The following UTRN variants were observed in gnomAD, a reference collection of about 807,000 sequenced individuals.
The protein encoded by UTRN is dystrophin-related protein 1.
In UTRN, 283 loss-of-function variants were observed where a neutral mutation model predicts 463.9. That is an observed-to-expected ratio of 0.61 (90% CI 0.55 to 0.67). The LOEUF (loss-of-function observed/expected upper bound fraction) is 0.67, where lower values mean the gene tolerates loss of function less well. Among genes scored for constraint, UTRN ranks in the 30% least tolerant of loss-of-function variants. The probability of loss-of-function intolerance (pLI) is 0.00; values close to 1 mark genes in which losing one functional copy is unlikely to be tolerated. For synonymous variants in UTRN, 1,442 were observed against 1,431.5 expected (o/e 1.01, Z -0.17); for missense variants, 3,922 against 4,084.3 (o/e 0.96, Z 1.08).
intron 34 of UTRN, among the ~76,000 whole-genome samples, chr6:144,502,940 A>G (rs889340407): frequency 2.6e-5 from 4 of 152,196 alleles, no homozygotes; most frequent in Non-Finnish European, 5.9e-5. Context: ...AATAATCGCT[A>G]TTCTACCTGG....
At chr6:144,351,058 A>AT (rs1053469705) in intron 2 of UTRN, among the ~76,000 whole-genome samples, 4 of 152,114 alleles carry the variant, frequency 2.6e-5, no homozygotes, top group Admixed American at 6.5e-5. Flanking sequence ...GAAAAAAACC[A>AT]TTTTTTATAT....
chr6:144,821,651 A>G (rs568768245), intron 66 of UTRN, among the ~76,000 whole-genome samples: 48 of 152,106 alleles, frequency 3.2e-4, no homozygotes, highest in Non-Finnish European at 6.8e-4. Context: ...CCATGTGATT[A>G]TAAAGCAAAG....
chr6:144,646,550 A>T (rs185985667), intron 51 of UTRN, among the ~76,000 whole-genome samples: 173 of 152,286 alleles, frequency 1.1e-3, no homozygotes, highest in African/African-American at 4.0e-3. Context: ...ATATTAAGGA[A>T]ATATAAGATC....
At position 144,548,859 on chromosome 6, in the gene UTRN, G is replaced by T; in HGVS notation, c.6810+5G>T. On this transcript the variant is annotated splice_donor_5th_base_variant and intron_variant, in intron 47 of 74. Coordinates refer to ENST00000367545, the MANE Select transcript of UTRN (RefSeq NM_007124.3). Reference sequence around the variant, plus strand: ...AAGACCGTTTCCCGAATGAAAGTAGGTGCATAGTGTAAAAGCTTGTCATGG... The same window carrying T: ...AAGACCGTTTCCCGAATGAAAGTAGTTGCATAGTGTAAAAGCTTGTCATGG... 2 of 1,613,412 alleles carry T rather than the reference G, an allele frequency of 1.2e-6. No homozygotes were observed. Among genetic ancestry groups the T allele is most frequent in the East Asian group, 2.2e-5 (1 of 44,818 alleles).
intron 58 of UTRN, among the ~76,000 whole-genome samples, chr6:144,767,035 T>G (rs1044369320): frequency 1.3e-5 from 2 of 151,940 alleles, no homozygotes; most frequent in Non-Finnish European, 2.9e-5. Context: ...CATCTAGTAG[T>G]ATTTAGGTTT....
intron 46 of UTRN, among the ~76,000 whole-genome samples, chr6:144,545,272 A>G (rs1051635891): frequency 6.6e-6 from 1 of 152,194 alleles, no homozygotes; most frequent in East Asian, 1.9e-4. Context: ...TCCATGACCT[A>G]TTCCTCTGAT....
At chr6:144,736,181 T>A (rs933846393) in intron 54 of UTRN, among the ~76,000 whole-genome samples, 4 of 152,250 alleles carry the variant, frequency 2.6e-5, no homozygotes, top group African/African-American at 9.6e-5. Context: ...TTTATACTTT[T>A]GTTGTTTACC....
In UTRN at chr6:144,612,940, T is replaced by C. The variant is rs1056528677; in HGVS notation, c.7479+35652T>C. ...AGCATTATTCACAATAGCCAAGATATGGAAACAACAACAAAACATCCATTA... is the reference window on the plus strand; with the variant it reads ...AGCATTATTCACAATAGCCAAGATACGGAAACAACAACAAAACATCCATTA... On this transcript the variant is annotated intron_variant, in intron 51 of 74. Transcript: ENST00000367545. 2.6e-5 allele frequency among the ~76,000 whole-genome samples: 4 copies of C among 152,014 alleles called. No individual in the cohort carries two copies. The South Asian group carries it at 6.2e-4, about 24-fold the overall frequency.
chr6:144,438,631 A>C, intron 11 of UTRN, 114 bp from the exon 12 acceptor site: 1 of 1,301,476 alleles, frequency 7.7e-7, no homozygotes. Flanking sequence ...TGCTACCTTG[A>C]ATGTTTAGAC....
rs191671055 is a variant in UTRN, at chr6:144,450,151, G to A, written c.2073-1219G>A. ...CCCGTTGCTTTCACAGCCTGTTCTC[G>A]ACTCGTCTCTCTTTAATGCCTTCTC... On this transcript the variant is annotated intron_variant, in intron 17 of 74. Transcript: ENST00000367545. Among the ~76,000 whole-genome samples, 8 of 152,116 alleles carry A rather than the reference G, an allele frequency of 5.3e-5. No individual in the cohort carries two copies. The South Asian group carries it at 1.2e-3, about 24-fold the overall frequency.
At position 144,490,153 on chromosome 6, in the gene UTRN, C is replaced by T; in HGVS notation, c.4217C>T (p.Pro1406Leu). The change falls in exon 31 of 75, where the codon CCA (proline) becomes CTA (leucine). Residue 1406 changes from proline to leucine, a missense_variant. Physicochemically the swap from Pro to Leu is moderately conservative, Grantham distance 98. Transcript: ENST00000367545. ...RNMRSQPLTS[P>L]ESRTARGGSQ... Reference sequence around the variant, plus strand: ...ATGCGTTCTCAGCCCCTGACCTCCCCAGAGAGTAGGACTGCCAGAGGAGGA... The same window carrying T: ...ATGCGTTCTCAGCCCCTGACCTCCCTAGAGAGTAGGACTGCCAGAGGAGGA... The T allele has an allele frequency of 6.2e-7, 1 of 1,613,738 alleles. No individual in the cohort carries two copies. Among genetic ancestry groups the T allele is most frequent in the Non-Finnish European group, 8.5e-7 (1 of 1,179,810 alleles).
At chr6:144,850,660 C>T (rs1461970818) in intron 74 of UTRN, among the ~76,000 whole-genome samples, 6 of 152,120 alleles carry the variant, frequency 3.9e-5, no homozygotes, top group Non-Finnish European at 8.8e-5. Context: ...CACAGTCCCC[C>T]AGGAAGACAT....
intron 27 of UTRN, among the ~76,000 whole-genome samples, chr6:144,484,383 T>A (rs1049057497): frequency 1.3e-5 from 2 of 151,196 alleles, no homozygotes; most frequent in Admixed American, 1.3e-4. Flanking sequence ...AATTATTTTT[T>A]AAAAATTTAC....
At chr6:144,480,026 C>T (rs1791680070) in intron 26 of UTRN, 44 bp downstream of exon 26, 4 of 1,585,818 alleles carry the variant, frequency 2.5e-6, no homozygotes, top group African/African-American at 1.4e-5. Context: ...ATGCCTCCCT[C>T]CTCCCTTTAA....
At chr6:144,458,426 G>T (rs1253822909) in intron 19 of UTRN, among the ~76,000 whole-genome samples, 1 of 152,150 alleles carries the variant, frequency 6.6e-6, no homozygotes, top group Non-Finnish European at 1.5e-5. Context: ...GACAGATCAA[G>T]GTAGTTGATC....
At chr6:144,493,975 C>A (rs1302161914) in intron 33 of UTRN, among the ~76,000 whole-genome samples, 1 of 152,054 alleles carries the variant, frequency 6.6e-6, no homozygotes, top group Non-Finnish European at 1.5e-5. Context: ...TACACTCCAG[C>A]CTAGGAACAG....
At position 144,406,298 on chromosome 6, in the gene UTRN, T is replaced by C. The variant is rs886293610; in HGVS notation, c.141+3114T>C. Among the ~76,000 whole-genome samples the C allele has an allele frequency of 3.9e-5, 6 of 152,126 alleles. No homozygotes were observed. In the East Asian group the frequency reaches 5.8e-4, roughly 15 times the overall value. On this transcript the variant is annotated intron_variant, in intron 3 of 74. Coordinates refer to ENST00000367545, the MANE Select transcript of UTRN (RefSeq NM_007124.3). Reference sequence around the variant, plus strand: ...ATGGACCACTGTGATAATCTGCTAATTGGTTCTTCCATTCCATGCTCCACC... The same window carrying C: ...ATGGACCACTGTGATAATCTGCTAACTGGTTCTTCCATTCCATGCTCCACC...
chr6:144,546,488 AAT>A (rs554637353), intron 46 of UTRN, among the ~76,000 whole-genome samples: 29 of 152,342 alleles, frequency 1.9e-4, no homozygotes, highest in Admixed American at 1.8e-3. Flanking sequence ...TGTTAACAAA[AAT>A]AGCATGTTTT....
intron 2 of UTRN, among the ~76,000 whole-genome samples, chr6:144,330,209 A>C (rs1240000682): frequency 1.3e-5 from 2 of 152,198 alleles, no homozygotes; most frequent in Non-Finnish European, 2.9e-5. Context: ...AGCTGGCAGA[A>C]CTTGGCCCAC....
Sources: gnomAD v4.1 joint callset for allele counts (sites outside exome capture counted in the v4.1 genomes callset) on GRCh38, gnomAD v4.1.1 for gene constraint, MANE v1.5 for transcripts, NCBI Gene and HGNC (gene_info 2026-07-23, HGNC 2026-07-21) for gene names.